Variants in MED24 observed in about 807,000 individuals in gnomAD.
The protein encoded by MED24 is mediator of RNA polymerase II transcription subunit 24.
A neutral mutation model predicts 118.8 loss-of-function variants in MED24; 74 were observed. The ratio of observed to expected loss-of-function variants is 0.62; its 90% CI spans 0.52 to 0.76. MED24 has a LOEUF of 0.76. Among genes scored for constraint, MED24 ranks in the 30% least tolerant of loss-of-function variants. The pLI, the probability that MED24 is intolerant of heterozygous loss-of-function variation, is 0.00. For synonymous variants in MED24, 521 were observed against 523.9 expected, an observed-to-expected ratio of 0.99 and a Z score of 0.08; for missense variants, 1,041 against 1,278.9, an observed-to-expected ratio of 0.81 and a Z score of 2.84.
chr17:40,030,727 C>T (rs9914862), intron 12 of MED24, among the ~76,000 whole-genome samples: 8,850 of 151,458 alleles, frequency 0.058, 884 homozygotes, highest in African/African-American at 0.2. Context: ...GGCATGATTT[C>T]GCCTCACCAC....
In MED24 at chr17:40,035,791, T is replaced by C. The variant is rs1294865099; in HGVS notation, c.257A>G (p.Asp86Gly). ...SSVLTAISKF[D>G]DFSRDLCVQA... ...GACACACAGGTCCCGAGAAAAGTCA[T>C]CAAACTGTGGAAAGGACAGTGGAGA... The change falls in exon 5 of 26, where the codon GAT becomes GGT. Residue 86 changes from aspartate (D) to glycine (G), a missense_variant. Around this residue, in one of 3 missense-constraint regions of MED24, gnomAD observed 434 missense variants for 514.9 expected, o/e 0.84. Coordinates refer to ENST00000394128, the MANE Select transcript of MED24 (RefSeq NM_014815.4). 6.2e-7 allele frequency: 1 copy of C among 1,613,868 alleles called. No individual in the cohort carries two copies. Among genetic ancestry groups the C allele is most frequent in the South Asian group, 1.1e-5 (1 of 91,076 alleles).
At chr17:40,024,304 C>T (rs747068170) in intron 19 of MED24, among the ~76,000 whole-genome samples, 18 of 152,118 alleles carry the variant, frequency 1.2e-4, no homozygotes, top group Non-Finnish European at 2.1e-4. Context: ...GAGGCTGAGG[C>T]GGGAAGATCA....
At chr17:40,032,588 G>A (rs1302806045) in intron 9 of MED24, 61 bp downstream of exon 9, 1 of 1,335,698 alleles carries the variant, frequency 7.5e-7, no homozygotes, top group African/African-American at 1.4e-5. Flanking sequence ...GGTCCAGGGT[G>A]CCACTGGTCT....
chr17:40,038,280 T>C (rs901506978), intron 3 of MED24, among the ~76,000 whole-genome samples: 1 of 152,150 alleles, frequency 6.6e-6, no homozygotes, highest in African/African-American at 2.4e-5. Flanking sequence ...ACAGATGAAT[T>C]CTACTAACTA....
At chr17:40,032,791 A>C in intron 8 of MED24, 29 bp from the exon 9 acceptor site, 2 of 1,587,430 alleles carry the variant, frequency 1.3e-6, no homozygotes, top group Non-Finnish European at 8.6e-7. Flanking sequence ...ATGAGGCCTA[A>C]GAGGGTGCCC....
At chr17:40,027,082 C>T in intron 16 of MED24, 48 bp from the exon 17 acceptor site, 3 of 1,598,580 alleles carry the variant, frequency 1.9e-6, no homozygotes, top group East Asian at 2.2e-5. Flanking sequence ...GGGCGCGGCG[C>T]CTGCCAGCGC....
chr17:40,038,868 G>A (rs916557873), intron 3 of MED24, among the ~76,000 whole-genome samples: 3 of 152,188 alleles, frequency 2.0e-5, no homozygotes, highest in African/African-American at 7.2e-5. Context: ...AAAACACAGA[G>A]GGCTTAAATA....
chr17:40,027,252 T>TG (rs59877388), intron 16 of MED24, 131 bp downstream of exon 16: 478,885 of 1,167,302 alleles, frequency 0.41, 103,799 homozygotes, highest in Middle Eastern at 0.53. Context: ...CCAGCCCGGG[T>TG]GGGCACCTGG....
chr17:40,019,657 A>G lies in MED24; in HGVS notation c.2854-12T>C. Reference sequence around the variant, plus strand: ...ACCAGTTCCGACACCTGCCACGGACAGACAGATGCTGCTTGCGGGACGGCT... The same window carrying G: ...ACCAGTTCCGACACCTGCCACGGACGGACAGATGCTGCTTGCGGGACGGCT... On this transcript the variant is annotated splice_polypyrimidine_tract_variant and intron_variant, in intron 25 of 25. Transcript: ENST00000394128. The G allele has an allele frequency of 6.3e-7, 1 of 1,585,892 alleles. No homozygotes were observed. The highest frequency in any genetic ancestry group is 8.6e-7 in the Non-Finnish European group (1 of 1,161,884).
At chr17:40,026,827 C>A (rs1212535118) in intron 17 of MED24, 29 bp downstream of exon 17, 1 of 1,611,260 alleles carries the variant, frequency 6.2e-7, no homozygotes, top group East Asian at 2.2e-5. Context: ...CCCACCGCCA[C>A]CCTTGGAGTG....
chr17:40,044,505 G>A (rs1984938635), intron 3 of MED24, among the ~76,000 whole-genome samples: 1 of 151,058 alleles, frequency 6.6e-6, no homozygotes, highest in African/African-American at 2.5e-5. Context: ...GGGCGACAGA[G>A]GGAGACTCCA....
Position 40,031,551 on chromosome 17 carries a change from C to T in MED24, c.1054G>A (p.Asp352Asn). The change falls in exon 11 of 26, where the codon GAC becomes AAC. Residue 352 changes from aspartate (D) to asparagine (N), a missense_variant. By Grantham distance (23) the Asp-to-Asn change is conservative (BLOSUM62 1). This residue lies in a region of MED24 where 434 missense variants were observed against 514.9 expected (regional missense o/e 0.84). Coordinates refer to ENST00000394128, the MANE Select transcript of MED24 (RefSeq NM_014815.4). ...LKLTPLLDKA[D>N]QRCNCDCTNF... ...GGGAGCTCATACTTGCAGCGCTGGTCAGCTTTGTCCAACAAGGGGGTGAGC... is the reference window on the plus strand; with the variant it reads ...GGGAGCTCATACTTGCAGCGCTGGTTAGCTTTGTCCAACAAGGGGGTGAGC... The T allele has an allele frequency of 6.2e-7, 1 of 1,614,134 alleles. No homozygotes were observed. Among genetic ancestry groups the T allele is most frequent in the Non-Finnish European group, 8.5e-7 (1 of 1,179,986 alleles).
Position 40,021,503 on chromosome 17 carries a change from G to C in MED24, c.2623+452C>G, listed in dbSNP as rs575899664. 1.9e-5 allele frequency: 3 copies of C among 154,288 alleles called. No individual in the cohort carries two copies. The East Asian group carries it at 5.7e-4, about 29-fold the overall frequency. The allele number at this position is 154,288 out of a possible 1,614,324, so 9.6% of individuals were successfully genotyped here. On this transcript the variant is annotated intron_variant, in intron 23 of 25. Transcript: ENST00000394128. ...GATGACCTCCAGGGAAGTGGTTGGT[G>C]GGGGGTGTGCTCTTTAGGCAGGAAG...
In MED24 at chr17:40,042,294, A is replaced by T. The variant is rs573761275; in HGVS notation, c.214-6140T>A. 2.8e-4 allele frequency among the ~76,000 whole-genome samples: 43 copies of T among 152,374 alleles called. 1 individual carries two copies. In the South Asian group the frequency reaches 3.3e-3, roughly 12 times the overall value. On this transcript the variant is annotated intron_variant, in intron 3 of 25. Transcript: ENST00000394128. ...GAAATGTCTGAAAACAGCCAAAAAA[A>T]TTTTGAAAAATAAAGAAACTAAGTG...
At chr17:40,027,200 G>T in intron 16 of MED24, 166 bp from the exon 17 acceptor site, 1 of 1,082,992 alleles carries the variant, frequency 9.2e-7, no homozygotes, top group Non-Finnish European at 1.3e-6. Flanking sequence ...CTGCCACCTA[G>T]TGGTCAATGT....
chr17:40,026,428 G>A, intron 18 of MED24, 97 bp from the exon 19 acceptor site: 1 of 1,454,254 alleles, frequency 6.9e-7, no homozygotes. Context: ...TGCAGCGGGT[G>A]GAGTCCCGGG....
rs199800492 is a variant in MED24 at position 40,042,285 on chromosome 17, G to C, written c.214-6131C>G. Among the ~76,000 whole-genome samples the C allele has an allele frequency of 3.3e-5, 5 of 152,250 alleles. No individual in the cohort carries two copies. In the East Asian group the frequency reaches 9.6e-4, roughly 29 times the overall value. On this transcript the variant is annotated intron_variant, in intron 3 of 25. Coordinates refer to ENST00000394128, the MANE Select transcript of MED24 (RefSeq NM_014815.4). ...TCTGGAAATGAAATGTCTGAAAACA[G>C]CCAAAAAAATTTTGAAAAATAAAGA...
chr17:40,047,786 A>G (rs1054113872), intron 3 of MED24, among the ~76,000 whole-genome samples: 1 of 151,446 alleles, frequency 6.6e-6, no homozygotes, highest in Non-Finnish European at 1.5e-5. Context: ...CTGGAGCACA[A>G]TGGCGCAATC....
intron 3 of MED24, among the ~76,000 whole-genome samples, chr17:40,044,175 A>G (rs1984896132): frequency 6.7e-6 from 1 of 150,294 alleles, no homozygotes. Flanking sequence ...ATAGAAAAAT[A>G]GGCAAATTAT....
Sources: gnomAD v4.1 joint callset for allele counts (sites outside exome capture counted in the v4.1 genomes callset) on GRCh38, gnomAD v4.1.1 for gene constraint, gnomAD v4.1.1 regional missense constraint, MANE v1.5 for transcripts, NCBI Gene and HGNC (gene_info 2026-07-23, HGNC 2026-07-21) for gene names.